TMEM117: variants seen among roughly 807,000 people sequenced by gnomAD.
The protein encoded by TMEM117 is transmembrane protein 117.
In TMEM117, 27 loss-of-function variants were observed where a neutral mutation model predicts 52.4. The observed-to-expected ratio is 0.51, with a 90% confidence interval of 0.38 to 0.71. TMEM117 has a LOEUF of 0.71. TMEM117 is among the 30% of genes least tolerant of loss of function. The pLI is 0.00. For missense variants in TMEM117, 556 were observed against 630.5 expected (o/e 0.88, Z 1.26); for synonymous variants, 215 against 206.3 (o/e 1.04, Z -0.36).
chr12:43,986,289 C>A (rs567007338), intron 3 of TMEM117, among the ~76,000 whole-genome samples: 1 of 152,102 alleles, frequency 6.6e-6, no homozygotes, highest in African/African-American at 2.4e-5. Context: ...AAATAAAAAT[C>A]ATCTACAGTT....
At chr12:44,166,570 T>C (rs1296320071) in intron 4 of TMEM117, among the ~76,000 whole-genome samples, 1 of 152,168 alleles carries the variant, frequency 6.6e-6, no homozygotes, top group East Asian at 1.9e-4. Flanking sequence ...TCAGTCTTTA[T>C]GGGGTGAATT....
intron 4 of TMEM117, among the ~76,000 whole-genome samples, chr12:44,157,970 A>G (rs1261334844): frequency 6.6e-6 from 1 of 152,180 alleles, no homozygotes; most frequent in East Asian, 1.9e-4. Flanking sequence ...TATTTGAGGC[A>G]AAAATTAGAT....
chr12:43,920,407 GGAGGCT>G (rs1328578728), intron 2 of TMEM117, among the ~76,000 whole-genome samples: 1 of 151,972 alleles, frequency 6.6e-6, no homozygotes, highest in African/African-American at 2.4e-5. Context: ...AAGCTACTCT[GGAGGCT>G]GAGGCAGGAG....
At chr12:44,189,645 C>T (rs533054083) in intron 4 of TMEM117, among the ~76,000 whole-genome samples, 1 of 152,098 alleles carries the variant, frequency 6.6e-6, no homozygotes, top group Non-Finnish European at 1.5e-5. Context: ...ACTTAAAGAT[C>T]GTTTACGTAA....
At chr12:43,981,954 A>T (rs1280906281) in intron 3 of TMEM117, among the ~76,000 whole-genome samples, 1 of 152,092 alleles carries the variant, frequency 6.6e-6, no homozygotes, top group Non-Finnish European at 1.5e-5. Flanking sequence ...CAGTAGGGTC[A>T]TGATGGTTAA....
intron 5 of TMEM117, among the ~76,000 whole-genome samples, chr12:44,217,672 C>T (rs1230807751): frequency 6.6e-6 from 1 of 152,150 alleles, no homozygotes; most frequent in Non-Finnish European, 1.5e-5. Context: ...AATTAGTTCT[C>T]ACAAAAGTTA....
chr12:44,031,800 G>A (rs77434712), intron 3 of TMEM117, among the ~76,000 whole-genome samples: 26 of 152,200 alleles, frequency 1.7e-4, no homozygotes, highest in East Asian at 5.8e-4. Context: ...AGTTATTTGC[G>A]TAAGTGCAAT....
intron 6 of TMEM117, among the ~76,000 whole-genome samples, chr12:44,354,889 A>G (rs1951623020): frequency 6.6e-6 from 1 of 151,956 alleles, no homozygotes; most frequent in African/African-American, 2.4e-5. Context: ...CTATAAAGAC[A>G]TTAGTCACAG....
chr12:43,977,769 A>T (rs1945696505), intron 3 of TMEM117, among the ~76,000 whole-genome samples: 1 of 152,110 alleles, frequency 6.6e-6, no homozygotes, highest in African/African-American at 2.4e-5. Context: ...AATAGTTGAA[A>T]TTGTGAGCTG....
chr12:44,114,120 T>A (rs1307441896), intron 3 of TMEM117, among the ~76,000 whole-genome samples: 2 of 150,452 alleles, frequency 1.3e-5, no homozygotes, highest in Admixed American at 1.3e-4. Flanking sequence ...CACTCCCTAG[T>A]GAGATGAACC....
chr12:43,933,460 C>G, intron 2 of TMEM117, among the ~76,000 whole-genome samples: 1 of 152,064 alleles, frequency 6.6e-6, no homozygotes, highest in South Asian at 2.1e-4. Context: ...CTCGGCCTTC[C>G]AAAGTGCTGG....
chr12:44,311,738 T>C (rs1446595589), intron 6 of TMEM117, among the ~76,000 whole-genome samples: 1 of 138,844 alleles, frequency 7.2e-6, no homozygotes, highest in Non-Finnish European at 1.5e-5. Context: ...TATATATATA[T>C]GTATATATGT....
At chr12:44,120,795 A>G (rs1313693510) in intron 3 of TMEM117, among the ~76,000 whole-genome samples, 1 of 152,188 alleles carries the variant, frequency 6.6e-6, no homozygotes, top group Non-Finnish European at 1.5e-5. Context: ...CAGACATTTA[A>G]TAGCAACCAT....
chr12:44,335,809 G>T (rs1319929240), intron 6 of TMEM117, among the ~76,000 whole-genome samples: 1 of 151,980 alleles, frequency 6.6e-6, no homozygotes, highest in Non-Finnish European at 1.5e-5. Flanking sequence ...TAATACTCAA[G>T]TACCATAATG....
chr12:44,207,067 G>A (rs1199607400), intron 4 of TMEM117, among the ~76,000 whole-genome samples: 2 of 152,104 alleles, frequency 1.3e-5, no homozygotes, highest in Non-Finnish European at 2.9e-5. Context: ...TCAGTATATT[G>A]TTAAGTAGAA....
At chr12:43,841,909 G>C (rs1943121746) in intron 1 of TMEM117, among the ~76,000 whole-genome samples, 1 of 152,158 alleles carries the variant, frequency 6.6e-6, no homozygotes, top group African/African-American at 2.4e-5. Context: ...TGGTGGGAGG[G>C]GAGGTGGTGA....
At chr12:44,181,588 C>G (rs1187695759) in intron 4 of TMEM117, among the ~76,000 whole-genome samples, 4 of 152,068 alleles carry the variant, frequency 2.6e-5, no homozygotes, top group Non-Finnish European at 4.4e-5. Context: ...CCAGTTTTCC[C>G]AGCACCATTT....
intron 5 of TMEM117, among the ~76,000 whole-genome samples, chr12:44,212,280 A>G (rs192316012): frequency 7.9e-5 from 12 of 152,274 alleles, no homozygotes; most frequent in Admixed American, 2.0e-4. Context: ...TCTAGCGTCT[A>G]TCCATGCTGT....
intron 3 of TMEM117, among the ~76,000 whole-genome samples, chr12:44,011,066 C>G (rs1221703889): frequency 1.3e-5 from 2 of 152,244 alleles, no homozygotes; most frequent in African/African-American, 2.4e-5. Context: ...CAAGATAGGT[C>G]TACTAGCAAC....
Sources: allele counts gnomAD v4.1 joint callset (sites outside exome capture counted in the v4.1 genomes callset), GRCh38; gene constraint gnomAD v4.1.1; transcripts MANE v1.5; gene names NCBI Gene and HGNC (gene_info 2026-07-23, HGNC 2026-07-21).